Variants in COL15A1 observed in about 807,000 individuals in gnomAD.
COL15A1 encodes collagen type XV alpha 1 chain.
In COL15A1, 111 loss-of-function variants were observed where a neutral mutation model predicts 165.9. That is an observed-to-expected ratio of 0.67 (90% CI 0.57 to 0.78). COL15A1 has a LOEUF of 0.78. Among genes scored for constraint, COL15A1 ranks in the 30% least tolerant of loss-of-function variants. The probability of loss-of-function intolerance (pLI) is 0.00; values close to 1 mark genes in which losing one functional copy is unlikely to be tolerated. For synonymous variants in COL15A1, 659 were observed against 674.8 expected (o/e 0.98, Z 0.36); for missense variants, 1,745 against 1,789.7 (o/e 0.98, Z 0.45).
chr9:98,951,795 C>A (rs1837692331), intron 2 of COL15A1, among the ~76,000 whole-genome samples: 1 of 152,124 alleles, frequency 6.6e-6, no homozygotes, highest in African/African-American at 2.4e-5. Context: ...TGGCTTCAAG[C>A]AATTCACCCT....
chr9:99,045,628 G>T lies in COL15A1; in HGVS notation c.2679+858G>T, dbSNP rs1434675666. 2.6e-5 allele frequency among the ~76,000 whole-genome samples: 4 copies of T among 152,192 alleles called. No individual in the cohort carries two copies. The East Asian group carries it at 7.7e-4, about 29-fold the overall frequency. ...CATTTCATCTTCACAACCCCAAGAA[G>T]TGACTCTCAGAATCCCCATTTTATA... On this transcript the variant is annotated intron_variant, in intron 26 of 41. Coordinates refer to ENST00000375001, the MANE Select transcript of COL15A1 (RefSeq NM_001855.5).
chr9:99,023,563 G>A (rs1431325137), intron 14 of COL15A1, 114 bp downstream of exon 14: 2 of 613,806 alleles, frequency 3.3e-6, no homozygotes, highest in African/African-American at 1.8e-5. Context: ...TGCTGGGGTT[G>A]CCGGCAGTGA....
At chr9:99,038,412 G>A (rs1359822150) in intron 21 of COL15A1, among the ~76,000 whole-genome samples, 3 of 152,186 alleles carry the variant, frequency 2.0e-5, no homozygotes, top group African/African-American at 7.2e-5. Context: ...ATATGTATAT[G>A]TTTAAACTCT....
chr9:99,011,510 C>A (rs1338286596), intron 9 of COL15A1, among the ~76,000 whole-genome samples: 2 of 151,238 alleles, frequency 1.3e-5, no homozygotes, highest in East Asian at 3.9e-4. Flanking sequence ...ACCAAAATTA[C>A]CTCTTTATTT....
chr9:99,048,090 G>C, intron 28 of COL15A1, 90 bp downstream of exon 28: 5 of 765,504 alleles, frequency 6.5e-6, no homozygotes, highest in Non-Finnish European at 9.3e-6. Flanking sequence ...TGGACTGAAT[G>C]TTCAGGAATG....
chr9:98,979,111 T>G (rs1838189519), intron 2 of COL15A1, among the ~76,000 whole-genome samples: 1 of 152,216 alleles, frequency 6.6e-6, no homozygotes, highest in African/African-American at 2.4e-5. Flanking sequence ...TCATCATTTA[T>G]TATATTAATC....
intron 8 of COL15A1, among the ~76,000 whole-genome samples, chr9:99,004,376 G>T (rs1403658395): frequency 1.3e-5 from 2 of 152,150 alleles, no homozygotes; most frequent in Admixed American, 6.5e-5. Context: ...TGAGCAAGGG[G>T]CTGAGAAACA....
At chr9:99,026,088 G>C in intron 16 of COL15A1, 122 bp downstream of exon 16, 1 of 874,210 alleles carries the variant, frequency 1.1e-6, no homozygotes, top group Non-Finnish European at 1.7e-6. Context: ...GAAATCCCCT[G>C]CTGGCCACTT....
intron 2 of COL15A1, among the ~76,000 whole-genome samples, chr9:98,945,799 T>C (rs1465281566): frequency 2.0e-5 from 3 of 152,216 alleles, no homozygotes; most frequent in Non-Finnish European, 4.4e-5. Context: ...TTGGGTTCCA[T>C]GGTCTTTTGT....
Position 99,013,495 on chromosome 9 carries a change from C to T in COL15A1, c.1354-1922C>T, listed in dbSNP as rs1838878007. Among the ~76,000 whole-genome samples, 3 of 151,582 alleles carry T rather than the reference C, an allele frequency of 2.0e-5. 1 individual carries two copies. Among genetic ancestry groups the T allele is most frequent in the Admixed American group, 2.0e-4 (3 of 15,226 alleles). On this transcript the variant is annotated intron_variant, in intron 9 of 41. Coordinates refer to ENST00000375001, the MANE Select transcript of COL15A1 (RefSeq NM_001855.5). ...GAGGAAAGGCAATGGAGAAGACACC[C>T]TTTAGAATGTACCTCTGAACTAGAA...
At position 99,034,953 on chromosome 9, in the gene COL15A1, A is replaced by G. The variant is rs1839271966; in HGVS notation, c.2080-61A>G. 5.8e-6 allele frequency: 8 copies of G among 1,387,572 alleles called. No homozygotes were observed. The East Asian group carries it at 1.6e-4, about 28-fold the overall frequency. The allele number at this position is 1,387,572 out of a possible 1,614,324, so 86.0% of individuals were successfully genotyped here. On this transcript the variant is annotated intron_variant, in intron 17 of 41. Transcript: ENST00000375001. ...GAGTGATTTTCTGATTCAGGCATGC[A>G]TGTTGTTCCTTCCATGAGTGAACCC...
At chr9:98,958,699 C>T (rs1277199615) in intron 2 of COL15A1, among the ~76,000 whole-genome samples, 1 of 152,010 alleles carries the variant, frequency 6.6e-6, no homozygotes, top group Non-Finnish European at 1.5e-5. Flanking sequence ...CAAGTGTGGG[C>T]TGATATCAAA....
At chr9:99,060,157 T>C (rs1259946432) in intron 36 of COL15A1, among the ~76,000 whole-genome samples, 3 of 151,488 alleles carry the variant, frequency 2.0e-5, no homozygotes, top group Non-Finnish European at 4.4e-5. Flanking sequence ...AACAAAATCA[T>C]GTATATGTAA....
rs774763433 is a variant in COL15A1 at position 98,985,862 on chromosome 9, G to A, written c.398G>A (p.Arg133Gln). Residue 133 changes from arginine (R) to glutamine (Q), a missense_variant, in exon 3 of 42, where the codon CGG becomes CAG. Physicochemically the swap from Arg to Gln is conservative, Grantham distance 43. Transcript: ENST00000375001. ...RLSGVEDGHQ[R>Q]IILYYTEPGS... Reference sequence around the variant, plus strand: ...TCAGGTGTGGAGGACGGCCACCAGCGGATCATCCTCTACTACACGGAGCCA... The same window carrying A: ...TCAGGTGTGGAGGACGGCCACCAGCAGATCATCCTCTACTACACGGAGCCA... The A allele has an allele frequency of 3.3e-5, 53 of 1,613,682 alleles. No individual in the cohort carries two copies. The highest frequency in any genetic ancestry group is 4.0e-5 in the Non-Finnish European group (47 of 1,180,042).
chr9:99,017,581 G>A (rs142965738), intron 11 of COL15A1, among the ~76,000 whole-genome samples: 1 of 152,316 alleles, frequency 6.6e-6, no homozygotes, highest in African/African-American at 2.4e-5. Flanking sequence ...CAATGCAGGT[G>A]TCTGAGTCCA....
chr9:99,022,848 C>A (rs750030215), intron 13 of COL15A1, among the ~76,000 whole-genome samples: 1 of 152,220 alleles, frequency 6.6e-6, no homozygotes, highest in Non-Finnish European at 1.5e-5. Context: ...TTCAAGTATG[C>A]ACTGAGGGCT....
At chr9:98,986,646 G>C (rs1382737814) in intron 3 of COL15A1, among the ~76,000 whole-genome samples, 2 of 152,060 alleles carry the variant, frequency 1.3e-5, no homozygotes, top group Non-Finnish European at 2.9e-5. Context: ...TTATGAATAA[G>C]GCATTCTAAA....
At chr9:98,944,973 C>T (rs1014723020) in intron 2 of COL15A1, among the ~76,000 whole-genome samples, 44 of 152,196 alleles carry the variant, frequency 2.9e-4, no homozygotes, top group African/African-American at 1.0e-3. Context: ...GCTGAGTGAT[C>T]TTGGGCAATG....
chr9:98,975,204 T>G (rs2118851463), intron 2 of COL15A1, among the ~76,000 whole-genome samples: 2 of 152,372 alleles, frequency 1.3e-5, no homozygotes, highest in Admixed American at 1.3e-4. Context: ...TAGCCTCCTC[T>G]GGCTTTAAAT....
Sources: gnomAD v4.1 joint callset for allele counts (sites outside exome capture counted in the v4.1 genomes callset) on GRCh38, gnomAD v4.1.1 for gene constraint, MANE v1.5 for transcripts, NCBI Gene and HGNC (gene_info 2026-07-23, HGNC 2026-07-21) for gene names.